Variants in CLVS1 observed in about 807,000 individuals in gnomAD.
The protein encoded by CLVS1 is clavesin-1.
Under a neutral mutation model 33.1 loss-of-function variants are expected in CLVS1, and 10 were observed. The observed-to-expected ratio is 0.30, with a 90% CI of 0.19 to 0.51. The LOEUF (loss-of-function observed/expected upper bound fraction) is 0.51, where lower values mean the gene tolerates loss of function less well. CLVS1 is among the 20% of genes least tolerant of loss of function. CLVS1 has a pLI of 0.97. For missense variants in CLVS1, 343 were observed against 433.4 expected (o/e 0.79, Z 1.85); for synonymous variants, 163 against 166.1 (o/e 0.98, Z 0.14).
chr8:61,458,853 C>T (rs1437756599), intron 5 of CLVS1, among the ~76,000 whole-genome samples: 1 of 152,164 alleles, frequency 6.6e-6, no homozygotes, highest in Non-Finnish European at 1.5e-5. Context: ...CTTTGAGATA[C>T]ACTAGGTGGA....
intron 1 of CLVS1, among the ~76,000 whole-genome samples, chr8:61,108,792 A>G (rs1180096991): frequency 6.6e-6 from 1 of 152,214 alleles, no homozygotes; most frequent in East Asian, 1.9e-4. Context: ...TTAACATTTC[A>G]GAAGGATCTC....
intron 1 of CLVS1, among the ~76,000 whole-genome samples, chr8:61,070,056 G>C (rs1359545709): frequency 6.6e-6 from 1 of 152,180 alleles, no homozygotes; most frequent in Non-Finnish European, 1.5e-5. Flanking sequence ...GCCTCCAAAA[G>C]TGCTGGGATT....
chr8:61,327,156 A>T (rs908080669), intron 2 of CLVS1, among the ~76,000 whole-genome samples: 2 of 152,208 alleles, frequency 1.3e-5, no homozygotes, highest in African/African-American at 4.8e-5. Context: ...TGAATCCTTT[A>T]GGAATAGGGC....
chr8:61,397,514 G>T (rs1234930231), intron 3 of CLVS1, among the ~76,000 whole-genome samples: 1 of 152,012 alleles, frequency 6.6e-6, no homozygotes, highest in South Asian at 2.1e-4. Context: ...AGGCATAAAG[G>T]TTTCAATTTT....
intron 2 of CLVS1, among the ~76,000 whole-genome samples, chr8:61,326,319 G>A (rs1420614169): frequency 6.6e-6 from 1 of 152,120 alleles, no homozygotes; most frequent in Non-Finnish European, 1.5e-5. Flanking sequence ...CTGACTTTTG[G>A]TGGGTTCACT....
intron 1 of CLVS1, among the ~76,000 whole-genome samples, chr8:61,058,101 G>A (rs561241152): frequency 2.0e-5 from 3 of 152,330 alleles, no homozygotes; most frequent in African/African-American, 4.8e-5. Context: ...TGACCAAAGC[G>A]TCGACCTAGC....
intron 2 of CLVS1, among the ~76,000 whole-genome samples, chr8:61,147,002 A>G (rs1359181239): frequency 1.3e-5 from 2 of 152,208 alleles, no homozygotes; most frequent in African/African-American, 4.8e-5. Flanking sequence ...CCTGCAAGTG[A>G]GGTGACTCTC....
chr8:61,145,405 T>C (rs1406154048), intron 2 of CLVS1, among the ~76,000 whole-genome samples: 1 of 152,194 alleles, frequency 6.6e-6, no homozygotes, highest in South Asian at 2.1e-4. Context: ...TGGAGTGTGA[T>C]TGGTTTTCTG....
At chr8:61,397,526 A>G (rs927054895) in intron 3 of CLVS1, among the ~76,000 whole-genome samples, 1 of 152,112 alleles carries the variant, frequency 6.6e-6, no homozygotes, top group Non-Finnish European at 1.5e-5. Flanking sequence ...TTCAATTTTC[A>G]TGAAGTTCAA....
chr8:61,377,006 T>A, intron 3 of CLVS1: 1 of 458,986 alleles, frequency 2.2e-6, no homozygotes, highest in Non-Finnish European at 3.8e-6. Flanking sequence ...GCACAAATTA[T>A]CCTCTGTAGC....
intron 3 of CLVS1, among the ~76,000 whole-genome samples, chr8:61,441,302 G>A (rs963957318): frequency 2.0e-5 from 3 of 152,104 alleles, no homozygotes; most frequent in South Asian, 2.1e-4. Flanking sequence ...CCTGAAAGAC[G>A]GTCCTCCCTT....
intron 2 of CLVS1, among the ~76,000 whole-genome samples, chr8:61,165,324 A>G (rs544059576): frequency 3.3e-5 from 5 of 152,336 alleles, no homozygotes; most frequent in Non-Finnish European, 7.4e-5. Context: ...TGCAGTTGCA[A>G]GATTTAATAG....
chr8:61,351,200 T>C (rs2129598974), intron 2 of CLVS1, among the ~76,000 whole-genome samples: 1 of 152,070 alleles, frequency 6.6e-6, no homozygotes, highest in East Asian at 1.9e-4. Flanking sequence ...AAATAAAATA[T>C]TAGAAAATCT....
chr8:61,388,583 T>C (rs1814176638), intron 3 of CLVS1, among the ~76,000 whole-genome samples: 1 of 152,034 alleles, frequency 6.6e-6, no homozygotes, highest in Non-Finnish European at 1.5e-5. Context: ...ATAAAATGGA[T>C]GCATTAAGCC....
In CLVS1 at chr8:61,499,677, GTGA is replaced by G; in HGVS notation, c.*136_*138del. 2 of 550,476 alleles carry G rather than the reference GTGA, an allele frequency of 3.6e-6. No homozygotes were observed. The highest frequency in any genetic ancestry group is 6.5e-6 in the Non-Finnish European group (2 of 306,778). 34.1% of individuals were successfully genotyped at this position (550,476 alleles called of 1,614,324 possible). ...GGTCCTCCACTCCTGAACCCCTGCA[GTGA>G]CTGTCACCAGCCATCGGTCTGAGCA... On this transcript the variant is annotated 3_prime_UTR_variant, in exon 6 of 6. Coordinates refer to ENST00000325897, the MANE Select transcript of CLVS1 (RefSeq NM_173519.3).
rs1379681898 is a variant in CLVS1 at position 61,500,438 on chromosome 8, A to AGAT, written c.*898_*900dup. On this transcript the variant is annotated 3_prime_UTR_variant, in exon 6 of 6. Transcript: ENST00000325897. ...CCCACAACCCTCCTGCAACCATTAA[A>AGAT]GATGTGGAGAAAGACCATGGTTGTT... 1 of 152,198 alleles carries AGAT rather than the reference A, an allele frequency of 6.6e-6. No individual in the cohort carries two copies. Among genetic ancestry groups the AGAT allele is most frequent in the African/African-American group, 2.4e-5 (1 of 41,448 alleles). 9.4% of individuals were successfully genotyped at this position (152,198 alleles called of 1,614,324 possible).
chr8:61,267,409 A>G (rs1053246325), intron 2 of CLVS1, among the ~76,000 whole-genome samples: 1 of 152,236 alleles, frequency 6.6e-6, no homozygotes, highest in African/African-American at 2.4e-5. Context: ...AAAATAAGCC[A>G]TAAATCCATT....
chr8:61,094,171 T>A (rs1805305679), intron 1 of CLVS1, among the ~76,000 whole-genome samples: 1 of 152,218 alleles, frequency 6.6e-6, no homozygotes, highest in Non-Finnish European at 1.5e-5. Context: ...TCTGCTGGAC[T>A]CGCCTGTGGC....
intron 5 of CLVS1, among the ~76,000 whole-genome samples, chr8:61,496,370 T>C (rs1804264741): frequency 6.6e-6 from 1 of 152,220 alleles, no homozygotes; most frequent in Non-Finnish European, 1.5e-5. Context: ...CCTGTGTCTC[T>C]GGTTGTGCTC....
Sources: allele counts gnomAD v4.1 joint callset (sites outside exome capture counted in the v4.1 genomes callset), GRCh38; gene constraint gnomAD v4.1.1; transcripts MANE v1.5; gene names NCBI Gene and HGNC (gene_info 2026-07-23, HGNC 2026-07-21).